NYAP2: variants seen among roughly 807,000 people sequenced by gnomAD.
The protein encoded by NYAP2 is neuronal tyrosine-phosphorylated phosphoinositide-3-kinase adaptor 2.
NYAP2 carries 23 observed loss-of-function variants against 50.4 expected under a neutral mutation model. The ratio of observed to expected loss-of-function variants is 0.46; its 90% confidence interval spans 0.33 to 0.65. The LOEUF (loss-of-function observed/expected upper bound fraction) is 0.65. Among genes scored for constraint, NYAP2 ranks in the 30% least tolerant of loss-of-function variants. The pLI is 0.02. For missense variants in NYAP2, 885 were observed against 861.0 expected (o/e 1.03, Z -0.35); for synonymous variants, 394 against 365.2 (o/e 1.08, Z -0.90).
the NYAP2 span, among the ~76,000 whole-genome samples, chr2:225,690,719 A>C: frequency 6.6e-6 from 1 of 152,126 alleles, no homozygotes; most frequent in Non-Finnish European, 1.5e-5. Flanking sequence ...AGAATAGAGA[A>C]ATTTTCTAAA....
At chr2:225,585,424 C>A (rs921657147) in intron 5 of NYAP2, among the ~76,000 whole-genome samples, 3 of 152,142 alleles carry the variant, frequency 2.0e-5, no homozygotes, top group African/African-American at 7.2e-5. Flanking sequence ...CAAGAAAAAT[C>A]CATCTGTTAG....
downstream of NYAP2, among the ~76,000 whole-genome samples, chr2:225,658,263 C>A (rs1319276045): frequency 1.3e-5 from 2 of 152,160 alleles, no homozygotes; most frequent in Non-Finnish European, 2.9e-5. Flanking sequence ...GCATACATGT[C>A]AACCTTACAT....
At chr2:225,527,993 A>G (rs1366915620) in intron 4 of NYAP2, among the ~76,000 whole-genome samples, 1 of 152,314 alleles carries the variant, frequency 6.6e-6, no homozygotes, top group East Asian at 1.9e-4. Flanking sequence ...AAAAGCAATA[A>G]TTATAACTGG....
chr2:225,525,861 C>T (rs973018552), intron 4 of NYAP2, among the ~76,000 whole-genome samples: 3 of 152,168 alleles, frequency 2.0e-5, no homozygotes, highest in African/African-American at 4.8e-5. Context: ...TTCCCCCACT[C>T]CCTGCTGTAC....
the NYAP2 span, chr2:225,701,153 A>T: frequency 2.0e-5 from 3 of 151,830 alleles, no homozygotes; most frequent in Non-Finnish European, 4.4e-5. Context: ...TTCCATGATC[A>T]ATTTCCTTTT....
intron 3 of NYAP2, among the ~76,000 whole-genome samples, chr2:225,411,892 A>G (rs1695047848): frequency 6.6e-6 from 1 of 151,864 alleles, no homozygotes; most frequent in Non-Finnish European, 1.5e-5. Flanking sequence ...GATTATGTTC[A>G]CAACAGAATG....
At chr2:225,465,442 C>T (rs376136829) in intron 3 of NYAP2, among the ~76,000 whole-genome samples, 2 of 152,096 alleles carry the variant, frequency 1.3e-5, no homozygotes, top group African/African-American at 2.4e-5. Context: ...TGGGGCCGGG[C>T]GCATTGGCTC....
intron 4 of NYAP2, among the ~76,000 whole-genome samples, chr2:225,568,657 G>T (rs1692004790): frequency 1.3e-5 from 2 of 152,268 alleles, no homozygotes; most frequent in South Asian, 4.1e-4. Context: ...AACCATTATT[G>T]TCATGCAGAT....
chr2:225,682,262 C>T, the NYAP2 span, among the ~76,000 whole-genome samples: 1 of 152,146 alleles, frequency 6.6e-6, no homozygotes, highest in Non-Finnish European at 1.5e-5. Context: ...CAAAGCATAG[C>T]TGTGACACAT....
chr2:225,652,461 G>C (rs771230859), exon 7 of NYAP2: 2 of 152,118 alleles, frequency 1.3e-5, no homozygotes, highest in East Asian at 3.8e-4. Flanking sequence ...TGTTCGTTTG[G>C]GTACGTGGTT....
chr2:225,595,006 G>C (rs1339365401), intron 5 of NYAP2, among the ~76,000 whole-genome samples: 1 of 152,020 alleles, frequency 6.6e-6, no homozygotes, highest in Non-Finnish European at 1.5e-5. Flanking sequence ...AAAGAACCCA[G>C]AACAGCTGAA....
exon 2 of NYAP2, chr2:225,400,658 C>T (rs567383689): frequency 6.6e-6 from 1 of 152,218 alleles, no homozygotes; most frequent in Non-Finnish European, 1.5e-5. Flanking sequence ...AATTTCTTCC[C>T]TGCTGGACCT....
Position 225,511,327 on chromosome 2 carries a change from AACACACACACAC to A in NYAP2, c.222-2008_222-1997del, listed in dbSNP as rs571887973. ...GTATGTCTTAATTGCCGTTCTTTAA[AACACACACACAC>A]ACACACACACACACACACACACACA... On this transcript the variant is annotated intron_variant, in intron 3 of 6. Transcript: ENST00000636099. Among the ~76,000 whole-genome samples the A allele has an allele frequency of 5.6e-3, 727 of 129,918 alleles. 8 individuals carry two copies. Among genetic ancestry groups the A allele is most frequent in the Middle Eastern group, 0.031 (8 of 256 alleles). 85.2% of individuals were successfully genotyped at this position (129,918 alleles called of 152,430 possible).
chr2:225,422,757 C>A (rs761766899), intron 3 of NYAP2, among the ~76,000 whole-genome samples: 2 of 151,902 alleles, frequency 1.3e-5, no homozygotes, highest in East Asian at 1.9e-4. Flanking sequence ...CTCTCAGGCA[C>A]GAGACAAGGA....
In NYAP2 at chr2:225,574,661, A is replaced by G. The variant is rs529516512; in HGVS notation, c.524-7280A>G. Among the ~76,000 whole-genome samples the G allele has an allele frequency of 1.1e-4, 16 of 152,248 alleles. No individual in the cohort carries two copies. The South Asian group carries it at 1.7e-3, about 16-fold the overall frequency. On this transcript the variant is annotated intron_variant, in intron 4 of 6. Transcript: ENST00000636099. ...TTCTTATAATTTTTGTGGGCTTTCT[A>G]TGAATGAGATCATACTACATTTCTT...
Position 225,582,242 on chromosome 2 carries a change from C to T in NYAP2, c.825C>T (p.Ile275=), listed in dbSNP as rs1270630766. 1.2e-6 allele frequency: 2 copies of T among 1,614,032 alleles called. No individual in the cohort carries two copies. Among genetic ancestry groups the T allele is most frequent in the African/African-American group, 1.3e-5 (1 of 75,056 alleles). The change falls in exon 5 of 7, where the codon ATC becomes ATT. Residue 275 remains isoleucine (I), a synonymous_variant. Transcript: ENST00000636099. The surrounding 1 kb of genome is among the most constrained non-coding windows in gnomAD (Gnocchi z 7.0). Reference sequence around the variant, plus strand: ...TCTACGAGGAAATGAAGTACCCTATCTTTGACGACTTGGGCCAAGACGCCA... The same window carrying T: ...TCTACGAGGAAATGAAGTACCCTATTTTTGACGACTTGGGCCAAGACGCCA...
chr2:225,570,279 C>G (rs1009309165), intron 4 of NYAP2, among the ~76,000 whole-genome samples: 1 of 152,110 alleles, frequency 6.6e-6, no homozygotes, highest in African/African-American at 2.4e-5. Context: ...CTCAGAAACT[C>G]CCTCTCATCA....
chr2:225,413,414 G>T (rs60931698), intron 3 of NYAP2, among the ~76,000 whole-genome samples: 1 of 152,248 alleles, frequency 6.6e-6, no homozygotes, highest in African/African-American at 2.4e-5. Flanking sequence ...TACAGTTAGA[G>T]CTGTGGAATC....
chr2:225,620,986 C>T (rs932240212), intron 5 of NYAP2, among the ~76,000 whole-genome samples: 4 of 151,794 alleles, frequency 2.6e-5, no homozygotes, highest in South Asian at 2.1e-4. Context: ...TGGTGGTGGG[C>T]GCCTGTAGTC....
Sources: gnomAD v4.1 joint callset for allele counts (sites outside exome capture counted in the v4.1 genomes callset) on GRCh38, gnomAD v4.1.1 for gene constraint, Gnocchi (gnomAD v3.1) non-coding constraint, MANE v1.5 for transcripts, NCBI Gene and HGNC (gene_info 2026-07-23, HGNC 2026-07-21) for gene names.